CYB5A: variants seen among roughly 807,000 people sequenced by gnomAD.
CYB5A encodes cytochrome b5 type A.
In CYB5A, 10 loss-of-function variants were observed where a neutral mutation model predicts 16.2. That is an observed-to-expected ratio of 0.62 (90% CI 0.38 to 1.04). The LOEUF (loss-of-function observed/expected upper bound fraction) is 1.04. Among genes scored for constraint, CYB5A ranks in the 50% least tolerant of loss-of-function variants. The probability of loss-of-function intolerance (pLI) is 0.01; values close to 1 mark genes in which losing one functional copy is unlikely to be tolerated. For missense variants in CYB5A, 161 were observed against 165.9 expected, an observed-to-expected ratio of 0.97 and a Z score of 0.16; for synonymous variants, 62 against 57.0, an observed-to-expected ratio of 1.09 and a Z score of -0.40.
chr18:74,268,883 C>G (rs1449754846), intron 1 of CYB5A, among the ~76,000 whole-genome samples: 1 of 151,776 alleles, frequency 6.6e-6, no homozygotes, highest in Non-Finnish European at 1.5e-5. Context: ...TAATGCCTCC[C>G]ACAGGCTTTT....
chr18:74,263,410 A>T lies in CYB5A; in HGVS notation c.197T>A (p.Val66Asp). The stretch of plus-strand genomic sequence containing the variant: ...TTCCCTGGCATCTGTAGAGTGCCCG[A>T]CATCCTCAAAGTTCTCAGTAGCGTC... ...GGDATENFEDVGHSTDAREMS... is the reference protein window; with the variant it reads ...GGDATENFEDDGHSTDAREMS... The change falls in exon 2 of 5, where the codon GTC (valine) becomes GAC (aspartate). Residue 66 changes from valine (V) to aspartate (D), a missense_variant. Val to Asp is a radical substitution (Grantham distance 152). Coordinates refer to ENST00000340533, the MANE Select transcript of CYB5A (RefSeq NM_148923.4). 6.2e-7 allele frequency: 1 copy of T among 1,614,118 alleles called. No homozygotes were observed. Among genetic ancestry groups the T allele is most frequent in the South Asian group, 1.1e-5 (1 of 91,084 alleles).
chr18:74,279,260 G>A (rs1982997194), intron 1 of CYB5A, among the ~76,000 whole-genome samples: 1 of 152,260 alleles, frequency 6.6e-6, no homozygotes, highest in African/African-American at 2.4e-5. Flanking sequence ...GGGCGCGGTG[G>A]CTCACGCCTA....
intron 1 of CYB5A, among the ~76,000 whole-genome samples, chr18:74,286,628 T>C (rs1790823): frequency 0.04 from 6,063 of 152,224 alleles, 401 homozygotes; most frequent in African/African-American, 0.14. Context: ...CAAGGTCACC[T>C]CCATGATATG....
chr18:74,274,586 A>G (rs754863086), intron 1 of CYB5A, among the ~76,000 whole-genome samples: 7 of 152,200 alleles, frequency 4.6e-5, no homozygotes, highest in Non-Finnish European at 8.8e-5. Context: ...GAAGCTGGTC[A>G]CTGGGTGAAA....
chr18:74,282,415 A>T (rs28489110), intron 1 of CYB5A, among the ~76,000 whole-genome samples: 1 of 151,162 alleles, frequency 6.6e-6, no homozygotes, highest in Non-Finnish European at 1.5e-5. Context: ...AAAAAGGGGG[A>T]AAAAAATAAG....
chr18:74,268,300 C>G (rs1212654300), intron 1 of CYB5A, among the ~76,000 whole-genome samples: 1 of 152,152 alleles, frequency 6.6e-6, no homozygotes, highest in African/African-American at 2.4e-5. Context: ...TGAGCTGTAC[C>G]ACAAGGTGGG....
intron 1 of CYB5A, among the ~76,000 whole-genome samples, chr18:74,288,141 G>A (rs567736656): frequency 5.9e-5 from 9 of 152,186 alleles, no homozygotes; most frequent in South Asian, 4.2e-4. Flanking sequence ...CTACCCCTCC[G>A]CCTAAACAAC....
rs150334311 is a variant in CYB5A at position 74,284,720 on chromosome 18, C to T, written c.129+7027G>A. Among the ~76,000 whole-genome samples, 608 of 152,282 alleles carry T rather than the reference C, an allele frequency of 4.0e-3. 5 individuals carry two copies. The highest frequency in any genetic ancestry group is 0.014 in the African/African-American group (577 of 41,550). On this transcript the variant is annotated intron_variant, in intron 1 of 4. Coordinates refer to ENST00000340533, the MANE Select transcript of CYB5A (RefSeq NM_148923.4). The stretch of plus-strand genomic sequence containing the variant: ...ACTGAGCCTAGAGGCTGTTAATCAC[C>T]CCATCCCTTCCCTTAGGTCCACATC...
rs1000286712 is a variant in CYB5A, at chr18:74,252,428, C to G, written c.*1156G>C. ...GAACTCTTCAGAGCTTGACACTAGC[C>G]GCTAAATTTCTTCAAAGATCAGATT... is the stretch of plus-strand genomic sequence containing the variant. On this transcript the variant is annotated 3_prime_UTR_variant, in exon 5 of 5. Coordinates refer to ENST00000340533, the MANE Select transcript of CYB5A (RefSeq NM_148923.4). The G allele has an allele frequency of 1.3e-5, 2 of 152,208 alleles. No homozygotes were observed. Among genetic ancestry groups the G allele is most frequent in the Admixed American group, 1.3e-4 (2 of 15,286 alleles). The allele number at this position is 152,208 out of a possible 1,614,324, so 9.4% of individuals were successfully genotyped here. A position where few individuals can be genotyped will look rare whatever the true frequency, so the allele number is the denominator to read the frequency against.
intron 1 of CYB5A, among the ~76,000 whole-genome samples, chr18:74,265,170 C>T (rs1465781130): frequency 3.3e-5 from 5 of 152,134 alleles, no homozygotes; most frequent in Non-Finnish European, 5.9e-5. Flanking sequence ...GTTTCTCTTC[C>T]TACTTGGTCT....
chr18:74,274,784 T>C (rs939479020), intron 1 of CYB5A, among the ~76,000 whole-genome samples: 2 of 152,348 alleles, frequency 1.3e-5, no homozygotes, highest in African/African-American at 4.8e-5. Context: ...TATTTTTGTC[T>C]AACGTTGCCC....
intron 3 of CYB5A, chr18:74,257,838 C>T (rs553593434): frequency 2.4e-4 from 36 of 152,330 alleles, no homozygotes; most frequent in African/African-American, 8.2e-4. Context: ...GATTGCTTGA[C>T]CCCGGGAGGT....
At chr18:74,290,013 A>G (rs1983473719) in intron 1 of CYB5A, among the ~76,000 whole-genome samples, 1 of 152,198 alleles carries the variant, frequency 6.6e-6, no homozygotes, top group South Asian at 2.1e-4. Flanking sequence ...TACTTCTTCT[A>G]TAAGCACAAA....
Position 74,268,666 on chromosome 18 carries a change from T to C in CYB5A, c.130-5189A>G, listed in dbSNP as rs73482435. Among the ~76,000 whole-genome samples the C allele has an allele frequency of 7.7e-3, 1,170 of 152,058 alleles. 13 individuals carry two copies. The highest frequency in any genetic ancestry group is 0.026 in the African/African-American group (1,097 of 41,458). On this transcript the variant is annotated intron_variant, in intron 1 of 4. Transcript: ENST00000340533. ...GCAGCTGCAGGTGCAAGGGTGTGCA[T>C]GGTGTGAGGCAGAGTGGACGAGAGG...
chr18:74,271,822 T>C (rs1412433613), intron 1 of CYB5A, among the ~76,000 whole-genome samples: 6 of 152,250 alleles, frequency 3.9e-5, no homozygotes, highest in African/African-American at 1.4e-4. Context: ...AATACGCTAC[T>C]GTCAACTGAC....
intron 1 of CYB5A, among the ~76,000 whole-genome samples, chr18:74,269,193 G>C (rs181018471): frequency 6.6e-6 from 1 of 152,088 alleles, no homozygotes; most frequent in African/African-American, 2.4e-5. Flanking sequence ...AGCTCCTGTC[G>C]CTCCATGGCT....
At chr18:74,276,528 G>GCGCACA (rs74178973) in intron 1 of CYB5A, among the ~76,000 whole-genome samples, 5 of 144,942 alleles carry the variant, frequency 3.4e-5, no homozygotes, top group Non-Finnish European at 6.0e-5. Context: ...AAAAGATTCA[G>GCGCACA]CACACACACA....
At chr18:74,281,225 GAGC>G (rs1217460997) in intron 1 of CYB5A, among the ~76,000 whole-genome samples, 1 of 152,210 alleles carries the variant, frequency 6.6e-6, no homozygotes, top group Non-Finnish European at 1.5e-5. Flanking sequence ...CATGCAGAGG[GAGC>G]AGGTGTGTTT....
intron 1 of CYB5A, among the ~76,000 whole-genome samples, chr18:74,290,306 G>A (rs1983483261): frequency 6.6e-6 from 1 of 152,148 alleles, no homozygotes; most frequent in South Asian, 2.1e-4. Context: ...GCAAAGTGGT[G>A]CGATTTCGGC....
Sources: allele counts gnomAD v4.1 joint callset (sites outside exome capture counted in the v4.1 genomes callset), GRCh38; gene constraint gnomAD v4.1.1; transcripts MANE v1.5; gene names NCBI Gene and HGNC (gene_info 2026-07-23, HGNC 2026-07-21).